ERBB4: variants seen among roughly 807,000 people sequenced by gnomAD.
ERBB4 encodes erb-b2 receptor tyrosine kinase 4.
A neutral mutation model predicts 158.0 loss-of-function variants in ERBB4; 42 were observed. That is an observed-to-expected ratio of 0.27 (90% confidence interval 0.21 to 0.34). The LOEUF (loss-of-function observed/expected upper bound fraction) is 0.34. Among genes scored for constraint, ERBB4 ranks in the 10% least tolerant of loss-of-function variants. ERBB4 has a pLI of 1.00. For missense variants in ERBB4, 1,333 were observed against 1,624.1 expected, an observed-to-expected ratio of 0.82 and a Z score of 3.08; for synonymous variants, 583 against 558.7, an observed-to-expected ratio of 1.04 and a Z score of -0.61.
chr2:212,032,474 G>C (rs1434895058), intron 2 of ERBB4, among the ~76,000 whole-genome samples: 1 of 151,974 alleles, frequency 6.6e-6, no homozygotes, highest in Non-Finnish European at 1.5e-5. Context: ...AAAATGCATG[G>C]CTTCATAGTT....
At chr2:212,124,441 CCTCT>C in intron 2 of ERBB4, 1 of 366,616 alleles carries the variant, frequency 2.7e-6, no homozygotes, top group South Asian at 2.7e-5. Flanking sequence ...TCTGATTGGT[CCTCT>C]GACTCTCCTA....
chr2:212,372,193 C>G (rs1389605062), intron 1 of ERBB4, among the ~76,000 whole-genome samples: 1 of 152,050 alleles, frequency 6.6e-6, no homozygotes, highest in Non-Finnish European at 1.5e-5. Context: ...GCAAGGACAT[C>G]AGACACAAAG....
rs541994181 is a variant in ERBB4, at chr2:211,619,356, T to C, written c.2203-81A>G. ...AAAGTAACTTAGAAGTTTGATATTA[T>C]AACATTCAATCAACAAATGTTTATT... is the stretch of plus-strand genomic sequence containing the variant. On this transcript the variant is annotated intron_variant, in intron 18 of 27. Coordinates refer to ENST00000342788, the MANE Select transcript of ERBB4 (RefSeq NM_005235.3). 1.3e-5 allele frequency: 10 copies of C among 798,844 alleles called. No individual in the cohort carries two copies. In the East Asian group the frequency reaches 2.3e-4, roughly 18 times the overall value. 49.5% of individuals were successfully genotyped at this position (798,844 alleles called of 1,614,324 possible).
chr2:212,387,836 G>A (rs894709685), intron 1 of ERBB4, among the ~76,000 whole-genome samples: 1 of 151,960 alleles, frequency 6.6e-6, no homozygotes, highest in Non-Finnish European at 1.5e-5. Context: ...TACACTTTTG[G>A]TTAATGTGAA....
At chr2:211,727,689 A>G (rs1242085967) in intron 5 of ERBB4, among the ~76,000 whole-genome samples, 1 of 152,020 alleles carries the variant, frequency 6.6e-6, no homozygotes, top group African/African-American at 2.4e-5. Context: ...ATCCTTTTCC[A>G]TTGAACATGA....
rs1350437392 is a variant in ERBB4, at chr2:211,611,371, A to C, written c.2301+7806T>G. Among the ~76,000 whole-genome samples the C allele has an allele frequency of 2.8e-5, 4 of 144,440 alleles. No homozygotes were observed. The East Asian group carries it at 5.8e-4, about 21-fold the overall frequency. The allele number at this position is 144,440 out of a possible 152,430, so 94.8% of individuals were successfully genotyped here. A position where few individuals can be genotyped will look rare whatever the true frequency, so the allele number is the denominator to read the frequency against. On this transcript the variant is annotated intron_variant, in intron 19 of 27. Coordinates refer to ENST00000342788, the MANE Select transcript of ERBB4 (RefSeq NM_005235.3). ...TATAAGCATAAGACACCCAAGCCAG[A>C]AAGGCAACCCTTCTGGGTCCAAAGT...
chr2:211,761,891 T>G (rs1322674466), intron 4 of ERBB4, among the ~76,000 whole-genome samples: 1 of 152,222 alleles, frequency 6.6e-6, no homozygotes, highest in Non-Finnish European at 1.5e-5. Flanking sequence ...CCCCAGCTAT[T>G]AAATCATTTT....
At chr2:211,730,122 T>A (rs2074383168) in intron 5 of ERBB4, among the ~76,000 whole-genome samples, 1 of 151,984 alleles carries the variant, frequency 6.6e-6, no homozygotes, top group Non-Finnish European at 1.5e-5. Flanking sequence ...TTAAGTAGCT[T>A]AATCTTATCA....
At chr2:211,592,010 G>A (rs577442973) in intron 19 of ERBB4, among the ~76,000 whole-genome samples, 2 of 152,310 alleles carry the variant, frequency 1.3e-5, no homozygotes, top group East Asian at 1.9e-4. Flanking sequence ...TCTCGGCCCC[G>A]AAGACGGGGC....
rs2079956366 is a variant in ERBB4, at chr2:212,127,161, G to A, written c.83-2258C>T. The stretch of plus-strand genomic sequence containing the variant: ...TCCTAGATGTAAATCAAATTAAGAT[G>A]AGGTAGGTCATTTGGGTGTTCCCTA... On this transcript the variant is annotated intron_variant, in intron 1 of 27. Coordinates refer to ENST00000342788, the MANE Select transcript of ERBB4 (RefSeq NM_005235.3). Among the ~76,000 whole-genome samples the A allele has an allele frequency of 2.6e-5, 4 of 152,196 alleles. No individual in the cohort carries two copies. In the South Asian group the frequency reaches 8.3e-4, roughly 32 times the overall value.
At chr2:212,083,642 C>A (rs1045915072) in intron 2 of ERBB4, among the ~76,000 whole-genome samples, 2 of 151,512 alleles carry the variant, frequency 1.3e-5, no homozygotes, top group African/African-American at 2.4e-5. Context: ...CCCCTCCCCC[C>A]CAAAAAAAAC....
chr2:212,305,246 A>G (rs951502838), intron 1 of ERBB4, among the ~76,000 whole-genome samples: 4 of 151,376 alleles, frequency 2.6e-5, no homozygotes, highest in Non-Finnish European at 4.4e-5. Flanking sequence ...TACTCCCAAA[A>G]TAAAGAAAAA....
chr2:211,750,658 T>C lies in ERBB4; in HGVS notation c.603A>G (p.Thr201=), dbSNP rs746537083. The change falls in exon 5 of 28, where the codon ACA becomes ACG. Residue 201 remains threonine, a synonymous_variant. Transcript: ENST00000342788. ...KSCTGRCWGP[T]ENHCQTLTRT... is the part of the protein sequence containing the mutation. ...ACTTACAAGTCTGGCAATGATTTTC[T>C]GTGGGTCCCCAGCAACGGCCAGTAC... 2 of 1,614,038 alleles carry C rather than the reference T, an allele frequency of 1.2e-6. No individual in the cohort carries two copies. Among genetic ancestry groups the C allele is most frequent in the South Asian group, 1.1e-5 (1 of 91,082 alleles).
chr2:211,645,482 A>G (rs1225739727), intron 16 of ERBB4, among the ~76,000 whole-genome samples: 1 of 151,882 alleles, frequency 6.6e-6, no homozygotes, highest in East Asian at 1.9e-4. Flanking sequence ...ACAGATACAT[A>G]TATCTATAGC....
intron 3 of ERBB4, among the ~76,000 whole-genome samples, chr2:211,941,095 T>C (rs1199180577): frequency 1.3e-5 from 2 of 152,092 alleles, no homozygotes; most frequent in African/African-American, 4.8e-5. Flanking sequence ...CTGATGAGAG[T>C]ATCATTTCCA....
At chr2:211,608,189 A>G (rs2069060363) in intron 19 of ERBB4, among the ~76,000 whole-genome samples, 1 of 152,210 alleles carries the variant, frequency 6.6e-6, no homozygotes, top group African/African-American at 2.4e-5. Context: ...GAGGCCATCA[A>G]CTGGCTTTGA....
intron 1 of ERBB4, among the ~76,000 whole-genome samples, chr2:212,536,717 C>T (rs951244263): frequency 2.0e-5 from 3 of 152,148 alleles, no homozygotes; most frequent in African/African-American, 4.8e-5. Flanking sequence ...CAACTCGGAG[C>T]CGCACAGTTA....
chr2:211,546,524 A>G (rs1467395479), intron 20 of ERBB4, among the ~76,000 whole-genome samples: 1 of 152,100 alleles, frequency 6.6e-6, no homozygotes, highest in Non-Finnish European at 1.5e-5. Flanking sequence ...TTGTGGCTCA[A>G]TGCCCTTTGG....
intron 5 of ERBB4, among the ~76,000 whole-genome samples, chr2:211,737,260 C>A (rs2074630797): frequency 6.6e-6 from 1 of 152,122 alleles, no homozygotes; most frequent in Non-Finnish European, 1.5e-5. Context: ...TTCAAAATAA[C>A]TCAGATCTTT....
Sources: allele counts gnomAD v4.1 joint callset (sites outside exome capture counted in the v4.1 genomes callset), GRCh38; gene constraint gnomAD v4.1.1; transcripts MANE v1.5; gene names NCBI Gene and HGNC (gene_info 2026-07-23, HGNC 2026-07-21).